ZNF98: variants seen among roughly 807,000 people sequenced by gnomAD.
ZNF98 encodes zinc finger protein 739.
ZNF98 carries 8 observed loss-of-function variants against 12.8 expected under a neutral mutation model. The observed-to-expected ratio is 0.63, with a 90% CI of 0.37 to 1.13. The LOEUF is 1.13. ZNF98 is among the 50% of genes most tolerant of loss of function. ZNF98 has a pLI of 0.01. For missense variants in ZNF98, 379 were observed against 666.1 expected (o/e 0.57, Z 4.74); for synonymous variants, 112 against 223.5 (o/e 0.50, Z 4.45).
chr19:22,402,789 C>T lies in ZNF98; in HGVS notation c.253G>A (p.Val85Ile). ...KRHEMVTEPP[V>I]VYSYFAQDLW... ...TGTATTCACTTTCACTCTCACCTAC[C>T]TGGGGGTTCAGTTACCATCTCATGT... is the stretch of plus-strand genomic sequence containing the variant. The change falls in exon 3 of 4, where the codon GTT becomes ATT. Residue 85 changes from valine (V) to isoleucine (I), a missense_variant and splice_region_variant. Transcript: ENST00000357774. The T allele has an allele frequency of 6.3e-7, 1 of 1,585,300 alleles. No individual in the cohort carries two copies. The highest frequency in any genetic ancestry group is 8.5e-7 in the Non-Finnish European group (1 of 1,170,504).
intron 1 of ZNF98, among the ~76,000 whole-genome samples, chr19:22,409,699 G>A (rs1969559827): frequency 6.6e-6 from 1 of 151,902 alleles, no homozygotes. Flanking sequence ...ATCATTTAAG[G>A]CCAGGAGTTC....
chr19:22,391,315 A>G lies in ZNF98; in HGVS notation c.*201T>C. The G allele has an allele frequency of 9.0e-7, 1 of 1,106,896 alleles. No homozygotes were observed. Among genetic ancestry groups the G allele is most frequent in the Non-Finnish European group, 1.3e-6 (1 of 795,888 alleles). 68.6% of individuals were successfully genotyped at this position (1,106,896 alleles called of 1,614,324 possible). On this transcript the variant is annotated 3_prime_UTR_variant, in exon 4 of 4. Coordinates refer to ENST00000357774, the MANE Select transcript of ZNF98 (RefSeq NM_001098626.2). ...CTGATGCTGAATAAGATGTGTGCAG[A>G]TATTAATCACTTTTTTACTTTCTTT...
chr19:22,392,575 A>T lies in ZNF98; in HGVS notation c.660T>A (p.Asn220Lys). 3 of 1,612,294 alleles carry T rather than the reference A, an allele frequency of 1.9e-6. No individual in the cohort carries two copies. Among genetic ancestry groups the T allele is most frequent in the Middle Eastern group, 1.7e-4 (1 of 6,028 alleles). ...YKCKECGKAY[N>K]EASNLSTHKR... Reference sequence around the variant, plus strand: ...TATGTGTAGAAAGGTTTGAGGCCTCATTATAGGCTTTCCCACATTCTTTAC... The same window carrying T: ...TATGTGTAGAAAGGTTTGAGGCCTCTTTATAGGCTTTCCCACATTCTTTAC... The change falls in exon 4 of 4, where the codon AAT (asparagine) becomes AAA (lysine). Residue 220 changes from asparagine (N) to lysine (K), a missense_variant. Around this residue, in one of 8 missense-constraint regions of ZNF98, gnomAD observed 223 missense variants for 261.6 expected, o/e 0.85. Coordinates refer to ENST00000357774, the MANE Select transcript of ZNF98 (RefSeq NM_001098626.2).
rs1414945241 is a variant in ZNF98 at position 22,391,437 on chromosome 19, A to G, written c.*79T>C. On this transcript the variant is annotated 3_prime_UTR_variant, in exon 4 of 4. Coordinates refer to ENST00000357774, the MANE Select transcript of ZNF98 (RefSeq NM_001098626.2). ...TTGCCACACTGTTCACACTTGTAGA[A>G]GTTTTCTCCAGAATGAATTACCTTA... The G allele has an allele frequency of 1.3e-6, 2 of 1,500,478 alleles. No individual in the cohort carries two copies. The highest frequency in any genetic ancestry group is 2.8e-5 in the African/African-American group (2 of 71,368). The allele number at this position is 1,500,478 out of a possible 1,614,324, so 92.9% of individuals were successfully genotyped here.
In ZNF98 at chr19:22,391,435, G is replaced by C. The variant is rs1006349987; in HGVS notation, c.*81C>G. On this transcript the variant is annotated 3_prime_UTR_variant, in exon 4 of 4. Transcript: ENST00000357774. ...TTTTGCCACACTGTTCACACTTGTA[G>C]AAGTTTTCTCCAGAATGAATTACCT... is the stretch of plus-strand genomic sequence containing the variant. The C allele has an allele frequency of 1.1e-5, 17 of 1,501,400 alleles. No individual in the cohort carries two copies. In the East Asian group the frequency reaches 3.1e-4, roughly 28 times the overall value. 93.0% of individuals were successfully genotyped at this position (1,501,400 alleles called of 1,614,324 possible).
intron 1 of ZNF98, among the ~76,000 whole-genome samples, chr19:22,410,265 A>C (rs531078166): frequency 6.6e-6 from 1 of 152,330 alleles, no homozygotes; most frequent in East Asian, 1.9e-4. Context: ...TACTCAAAGA[A>C]ATATAAATCA....
At chr19:22,416,711 C>T (rs1293697483) in intron 1 of ZNF98, among the ~76,000 whole-genome samples, 1 of 152,132 alleles carries the variant, frequency 6.6e-6, no homozygotes, top group Non-Finnish European at 1.5e-5. Context: ...AAGATCGTGC[C>T]ACTGCACTCC....
At chr19:22,419,347 C>T (rs1459320677) in intron 1 of ZNF98, among the ~76,000 whole-genome samples, 1 of 152,156 alleles carries the variant, frequency 6.6e-6, no homozygotes, top group Non-Finnish European at 1.5e-5. Flanking sequence ...CCCCAGTTTT[C>T]CAGGGCTCTG....
At chr19:22,413,109 T>C (rs1969599765) in intron 1 of ZNF98, among the ~76,000 whole-genome samples, 1 of 151,808 alleles carries the variant, frequency 6.6e-6, no homozygotes, top group African/African-American at 2.4e-5. Flanking sequence ...GAGTTATCCA[T>C]CACAAACCCA....
chr19:22,415,020 A>G (rs971108510), intron 1 of ZNF98, among the ~76,000 whole-genome samples: 5 of 152,224 alleles, frequency 3.3e-5, no homozygotes, highest in South Asian at 2.1e-4. Flanking sequence ...TAAGAAACTT[A>G]AACAAGTTTA....
intron 1 of ZNF98, among the ~76,000 whole-genome samples, chr19:22,417,160 C>G (rs1288626448): frequency 1.6e-5 from 2 of 128,912 alleles, no homozygotes; most frequent in Admixed American, 1.0e-4. Flanking sequence ...ACCCAGGAAG[C>G]GGAGGTTGCG....
chr19:22,422,109 G>C (rs1186804046), intron 1 of ZNF98, 86 bp downstream of exon 1: 1 of 1,530,936 alleles, frequency 6.5e-7, no homozygotes, highest in Non-Finnish European at 9.0e-7. Flanking sequence ...TGACAGCGGG[G>C]AGGCCTGAGT....
chr19:22,414,258 A>C (rs552735795), intron 1 of ZNF98, among the ~76,000 whole-genome samples: 80 of 147,786 alleles, frequency 5.4e-4, no homozygotes, highest in African/African-American at 1.4e-3. Context: ...AAAAAAAAAG[A>C]AAGCAAGCAA....
At chr19:22,405,844 G>C (rs572891618) in intron 1 of ZNF98, among the ~76,000 whole-genome samples, 1 of 152,096 alleles carries the variant, frequency 6.6e-6, no homozygotes, top group African/African-American at 2.4e-5. Flanking sequence ...CCAACACACC[G>C]GCTGTGCCAG....
In ZNF98 at chr19:22,414,849, G is replaced by A. The variant is rs529963852; in HGVS notation, c.30+7346C>T. On this transcript the variant is annotated intron_variant, in intron 1 of 3. Coordinates refer to ENST00000357774, the MANE Select transcript of ZNF98 (RefSeq NM_001098626.2). ...AAATTTTAAAATAAAGATACCAGAA[G>A]CAATTGCAACAAAAGTACTAATTGA... Among the ~76,000 whole-genome samples, 32 of 152,010 alleles carry A rather than the reference G, an allele frequency of 2.1e-4. 2 individuals carry two copies. In the East Asian group the frequency reaches 6.2e-3, roughly 29 times the overall value.
chr19:22,391,711 A>T lies in ZNF98; in HGVS notation c.1524T>A (p.His508Gln), dbSNP rs1969324504. 4 of 1,614,050 alleles carry T rather than the reference A, an allele frequency of 2.5e-6. No homozygotes were observed. The South Asian group carries it at 4.4e-5, about 18-fold the overall frequency. The change falls in exon 4 of 4, where the codon CAT (histidine) becomes CAA (glutamine). Residue 508 changes from histidine to glutamine, a missense_variant. Physicochemically the swap from His to Gln is conservative, Grantham distance 24. Transcript: ENST00000357774. ...GTTTCTCTCCAGTATGAATCATCTT[A>T]TGTGTAGTAAGGTGTGAGGACTGGT... ...AFNQSSHLTTHKMIHTGEKPY... is the reference protein window; with the variant it reads ...AFNQSSHLTTQKMIHTGEKPY...
intron 3 of ZNF98, among the ~76,000 whole-genome samples, chr19:22,397,207 TG>T (rs1336972307): frequency 2.2e-4 from 17 of 78,574 alleles, no homozygotes; most frequent in South Asian, 1.3e-3. Context: ...TGTGTGTGTG[TG>T]TTTTTGTGTG....
At chr19:22,401,573 T>C (rs1969457579) in intron 3 of ZNF98, among the ~76,000 whole-genome samples, 1 of 151,528 alleles carries the variant, frequency 6.6e-6, no homozygotes, top group East Asian at 2.0e-4. Flanking sequence ...AACCTCTGCC[T>C]ACCAGGTTCA....
At chr19:22,393,246 C>T (rs1201129787) in intron 3 of ZNF98, among the ~76,000 whole-genome samples, 4 of 152,316 alleles carry the variant, frequency 2.6e-5, no homozygotes, top group Non-Finnish European at 4.4e-5. Flanking sequence ...TACATTTACC[C>T]AGTGCAGATC....
Sources: gnomAD v4.1 joint callset for allele counts (sites outside exome capture counted in the v4.1 genomes callset) on GRCh38, gnomAD v4.1.1 for gene constraint, gnomAD v4.1.1 regional missense constraint, MANE v1.5 for transcripts, NCBI Gene and HGNC (gene_info 2026-07-23, HGNC 2026-07-21) for gene names.